FAM20A: variants seen among roughly 807,000 people sequenced by gnomAD.
The protein encoded by FAM20A is pseudokinase FAM20A.
FAM20A carries 42 observed loss-of-function variants against 52.0 expected under a neutral mutation model. The observed-to-expected ratio is 0.81, with a 90% CI of 0.63 to 1.04. The LOEUF (loss-of-function observed/expected upper bound fraction) is 1.04. Ranked by LOEUF, FAM20A falls within the 50% of genes least tolerant of loss-of-function variation. FAM20A has a pLI of 0.00. For synonymous variants in FAM20A, 304 were observed against 298.9 expected (o/e 1.02, Z -0.18); for missense variants, 742 against 712.7 (o/e 1.04, Z -0.47).
intron 1 of FAM20A, among the ~76,000 whole-genome samples, chr17:68,583,760 G>A (rs888942545): frequency 2.4e-4 from 36 of 152,184 alleles, no homozygotes; most frequent in Admixed American, 6.5e-5. Flanking sequence ...AAAGTTAGCC[G>A]GGCGTGGTGG....
At chr17:68,592,298 C>T (rs938800839) in intron 1 of FAM20A, among the ~76,000 whole-genome samples, 1 of 152,118 alleles carries the variant, frequency 6.6e-6, no homozygotes, top group Non-Finnish European at 1.5e-5. Flanking sequence ...AAAAAAAGTA[C>T]GTGAGCCAGC....
intron 1 of FAM20A, among the ~76,000 whole-genome samples, chr17:68,568,286 G>A (rs977247728): frequency 3.3e-5 from 5 of 151,708 alleles, no homozygotes; most frequent in Admixed American, 6.6e-5. Flanking sequence ...TGGCTAACAC[G>A]GTGAAACCCC....
At chr17:68,568,061 A>G (rs1303357263) in intron 1 of FAM20A, among the ~76,000 whole-genome samples, 1 of 151,812 alleles carries the variant, frequency 6.6e-6, no homozygotes, top group Non-Finnish European at 1.5e-5. Flanking sequence ...ACTAATACAT[A>G]CTCTTACTCT....
intron 1 of FAM20A, among the ~76,000 whole-genome samples, chr17:68,581,402 C>CTTTCTTTCTTTCTTTCTTTCTTTCTTTG (rs2087967612): frequency 1.4e-5 from 2 of 142,678 alleles, no homozygotes; most frequent in Admixed American, 1.4e-4. Flanking sequence ...TTCTTTCTTT[C>CTTTCTTTCTTTCTTTCTTTCTTTCTTTG]TTTCTTTCTT....
At chr17:68,555,489 G>T in intron 2 of FAM20A, 70 bp downstream of exon 2, 4 of 1,560,600 alleles carry the variant, frequency 2.6e-6, no homozygotes, top group Non-Finnish European at 2.6e-6. Flanking sequence ...CTGGAGCCTA[G>T]CCTGGGATGC....
Position 68,542,692 on chromosome 17 carries a change from A to T in FAM20A, c.928+2T>A, listed in dbSNP as rs762905130. 1.2e-6 allele frequency: 2 copies of T among 1,610,048 alleles called. No individual in the cohort carries two copies. Among genetic ancestry groups the T allele is most frequent in the Non-Finnish European group, 1.7e-6 (2 of 1,176,316 alleles). On this transcript the variant is annotated splice_donor_variant, in intron 6 of 10. Transcript: ENST00000592554. LOFTEE classifies it high-confidence loss of function. ...GGAATATCACTCGGGCCAGTACTCT[A>T]CCTGGAGAGACAAAGAAAACACTCT... is the stretch of plus-strand genomic sequence containing the variant.
intron 4 of FAM20A, among the ~76,000 whole-genome samples, chr17:68,545,944 T>C (rs563861691): frequency 4.6e-5 from 7 of 151,906 alleles, no homozygotes; most frequent in South Asian, 2.1e-4. Flanking sequence ...CTGAGGCAGG[T>C]GGATCACGAG....
chr17:68,578,240 C>T (rs2143837499), intron 1 of FAM20A, among the ~76,000 whole-genome samples: 1 of 152,284 alleles, frequency 6.6e-6, no homozygotes. Flanking sequence ...TGCCTTACTG[C>T]CTATCATACA....
intron 1 of FAM20A, among the ~76,000 whole-genome samples, chr17:68,557,071 A>T (rs562447344): frequency 2.0e-5 from 3 of 152,146 alleles, no homozygotes; most frequent in African/African-American, 7.2e-5. Context: ...ATGATGGTGC[A>T]CACCTGTAAT....
intron 4 of FAM20A, among the ~76,000 whole-genome samples, chr17:68,546,060 T>C (rs1419058052): frequency 2.0e-5 from 3 of 151,188 alleles, no homozygotes; most frequent in African/African-American, 7.3e-5. Flanking sequence ...TCCCAGCTAC[T>C]TGGGAGGCTG....
At chr17:68,562,351 A>G (rs2087238154) in intron 1 of FAM20A, among the ~76,000 whole-genome samples, 1 of 152,248 alleles carries the variant, frequency 6.6e-6, no homozygotes, top group African/African-American at 2.4e-5. Flanking sequence ...ATTTCAGAAC[A>G]GTGTAGAGTG....
intron 1 of FAM20A, among the ~76,000 whole-genome samples, chr17:68,583,247 G>T (rs530689572): frequency 6.6e-6 from 1 of 152,192 alleles, no homozygotes; most frequent in South Asian, 2.1e-4. Flanking sequence ...TTTCTGTTGG[G>T]GCCCTAACAA....
rs1351970061 is a variant in FAM20A at position 68,543,678 on chromosome 17, T to C, written c.763A>G (p.Ile255Val). ...TCAGCATTGTGTCTCTGAAAGTCAATGAAGTAGAAGAAGTCCACTGGTGTC... is the reference window on the plus strand; with the variant it reads ...TCAGCATTGTGTCTCTGAAAGTCAACGAAGTAGAAGAAGTCCACTGGTGTC... ...EETPVDFFYF[I>V]DFQRHNAEIA... Residue 255 changes from isoleucine to valine, a missense_variant, in exon 5 of 11, where the codon ATT becomes GTT. Transcript: ENST00000592554. 3 of 1,613,944 alleles carry C rather than the reference T, an allele frequency of 1.9e-6. No homozygotes were observed. Among genetic ancestry groups the C allele is most frequent in the South Asian group, 1.1e-5 (1 of 91,076 alleles).
At position 68,600,196 on chromosome 17, in the gene FAM20A, G is replaced by C; in HGVS notation, c.404+67C>G. On this transcript the variant is annotated intron_variant, in intron 1 of 10. Coordinates refer to ENST00000592554, the MANE Select transcript of FAM20A (RefSeq NM_017565.4). The surrounding 1 kb of genome is among the most constrained non-coding windows in gnomAD (Gnocchi z 6.2). ...CTGGGCCGGGGGCGTCAGGAAACTCGAGACTGGGGCGCGGGGAGGCCCCGG... is the reference window on the plus strand; with the variant it reads ...CTGGGCCGGGGGCGTCAGGAAACTCCAGACTGGGGCGCGGGGAGGCCCCGG... 6.6e-7 allele frequency: 1 copy of C among 1,522,788 alleles called. No homozygotes were observed. The highest frequency in any genetic ancestry group is 8.8e-7 in the Non-Finnish European group (1 of 1,133,772). The allele number at this position is 1,522,788 out of a possible 1,614,324, so 94.3% of individuals were successfully genotyped here. A position where few individuals can be genotyped will look rare whatever the true frequency, so the allele number is the denominator to read the frequency against.
At chr17:68,558,334 A>C (rs8069988) in intron 1 of FAM20A, 1 of 443,732 alleles carries the variant, frequency 2.3e-6, no homozygotes, top group South Asian at 1.6e-5. Flanking sequence ...TCATACCATC[A>C]GATATGGTTT....
intron 1 of FAM20A, among the ~76,000 whole-genome samples, chr17:68,561,593 T>C: frequency 1.7e-5 from 1 of 58,640 alleles, no homozygotes; most frequent in East Asian, 1.0e-3. Context: ...TGATTGCTCT[T>C]TTTTTTTTTT....
chr17:68,553,747 CATATATATACATATATATACAT>C (rs2086943748), intron 3 of FAM20A, among the ~76,000 whole-genome samples: 1 of 145,442 alleles, frequency 6.9e-6, no homozygotes, highest in Non-Finnish European at 1.5e-5. Flanking sequence ...TATATATACA[CATATATATACATATATATACAT>C]ATATACATAT....
At chr17:68,544,779 A>C (rs897194694) in intron 4 of FAM20A, among the ~76,000 whole-genome samples, 1 of 152,308 alleles carries the variant, frequency 6.6e-6, no homozygotes, top group Admixed American at 6.5e-5. Flanking sequence ...AGCAAGGACA[A>C]TCCCTCTTCC....
At position 68,547,415 on chromosome 17, in the gene FAM20A, G is replaced by A. The variant is rs895700995; in HGVS notation, c.720-3694C>T. Among the ~76,000 whole-genome samples the A allele has an allele frequency of 2.0e-5, 3 of 152,088 alleles. No individual in the cohort carries two copies. In the South Asian group the frequency reaches 6.2e-4, roughly 32 times the overall value. Reference sequence around the variant, plus strand: ...TCTAGCTATGGGGAAAGTCCCAGATGGTATCTTCTTCCAATAGAAGGCTGT... The same window carrying A: ...TCTAGCTATGGGGAAAGTCCCAGATAGTATCTTCTTCCAATAGAAGGCTGT... On this transcript the variant is annotated intron_variant, in intron 4 of 10. Transcript: ENST00000592554.
Sources: allele counts gnomAD v4.1 joint callset (sites outside exome capture counted in the v4.1 genomes callset), GRCh38; gene constraint gnomAD v4.1.1; non-coding constraint Gnocchi (gnomAD v3.1); transcripts MANE v1.5; gene names NCBI Gene and HGNC (gene_info 2026-07-23, HGNC 2026-07-21).